The following CNTN1 variants were observed in gnomAD, a reference collection of about 807,000 sequenced individuals.
The protein encoded by CNTN1 is contactin 1, also known as contactin-1.
Under a neutral mutation model 126.4 loss-of-function variants are expected in CNTN1, and 38 were observed. The ratio of observed to expected loss-of-function variants is 0.30; its 90% confidence interval spans 0.23 to 0.39. CNTN1 has a LOEUF of 0.39. Among genes scored for constraint, CNTN1 ranks in the 10% least tolerant of loss-of-function variants. The probability of loss-of-function intolerance (pLI) is 1.00; values close to 1 mark genes in which losing one functional copy is unlikely to be tolerated. For synonymous variants in CNTN1, 413 were observed against 422.6 expected, an observed-to-expected ratio of 0.98 and a Z score of 0.28; for missense variants, 1,009 against 1,248.4, an observed-to-expected ratio of 0.81 and a Z score of 2.89.
chr12:41,031,031 T>C (rs1949135739), intron 23 of CNTN1, among the ~76,000 whole-genome samples: 1 of 152,182 alleles, frequency 6.6e-6, no homozygotes, highest in Non-Finnish European at 1.5e-5. Context: ...CTTCTTTCTC[T>C]TGTGTAGAAG....
chr12:40,744,306 A>T (rs934463779), intron 1 of CNTN1, among the ~76,000 whole-genome samples: 2 of 146,220 alleles, frequency 1.4e-5, no homozygotes, highest in African/African-American at 5.2e-5. Flanking sequence ...AAATTAAATA[A>T]AAAAAAAATA....
At chr12:41,002,558 CTT>C (rs1360030646) in intron 17 of CNTN1, among the ~76,000 whole-genome samples, 8 of 134,570 alleles carry the variant, frequency 5.9e-5, no homozygotes, top group Admixed American at 1.5e-4. Context: ...GGGTTTCTTT[CTT>C]TTTTTTTTTT....
At chr12:40,874,919 A>G (rs1207252715) in intron 1 of CNTN1, among the ~76,000 whole-genome samples, 1 of 152,170 alleles carries the variant, frequency 6.6e-6, no homozygotes, top group Non-Finnish European at 1.5e-5. Context: ...CAATGTACAG[A>G]TGAAGAAAGT....
At chr12:40,836,962 A>G (rs1290852832) in intron 1 of CNTN1, among the ~76,000 whole-genome samples, 1 of 152,150 alleles carries the variant, frequency 6.6e-6, no homozygotes, top group Non-Finnish European at 1.5e-5. Flanking sequence ...TATCACCATA[A>G]TTTTGCTAAA....
At chr12:40,817,243 G>A (rs1233248334) in intron 1 of CNTN1, among the ~76,000 whole-genome samples, 2 of 152,094 alleles carry the variant, frequency 1.3e-5, no homozygotes, top group Non-Finnish European at 2.9e-5. Flanking sequence ...TGCTGACAGT[G>A]GGGTGTTAAA....
chr12:40,759,506 C>T (rs1160990126), intron 1 of CNTN1, among the ~76,000 whole-genome samples: 1 of 149,824 alleles, frequency 6.7e-6, no homozygotes, highest in Non-Finnish European at 1.5e-5. Flanking sequence ...CACTCTGTCA[C>T]CTAGGCTGGA....
intron 1 of CNTN1, among the ~76,000 whole-genome samples, chr12:40,708,897 T>G (rs1411209546): frequency 6.6e-6 from 1 of 152,224 alleles, no homozygotes; most frequent in Non-Finnish European, 1.5e-5. Flanking sequence ...TTTCTACCAC[T>G]TTTGCATTTA....
rs1240024206 is a variant in CNTN1, at chr12:41,020,366, G to A, written c.2449G>A (p.Val817Ile). Reference protein sequence around the residue: ...APSEAPTEVGVKVLSSSEISV... With the variant: ...APSEAPTEVGIKVLSSSEISV... Reference sequence around the variant, plus strand: ...CAGTGAAGCCCCAACAGAAGTAGGTGTAAAAGTCTTATCATCTTCTGAGAT... The same window carrying A: ...CAGTGAAGCCCCAACAGAAGTAGGTATAAAAGTCTTATCATCTTCTGAGAT... Residue 817 changes from valine to isoleucine, a missense_variant, in exon 20 of 24, where the codon GTA (valine) becomes ATA (isoleucine). Coordinates refer to ENST00000551295, the MANE Select transcript of CNTN1 (RefSeq NM_001843.4). The A allele has an allele frequency of 6.2e-7, 1 of 1,612,438 alleles. No homozygotes were observed. The highest frequency in any genetic ancestry group is 1.3e-5 in the African/African-American group (1 of 74,872).
intron 23 of CNTN1, among the ~76,000 whole-genome samples, chr12:41,048,899 T>C (rs762107054): frequency 5.9e-5 from 9 of 152,198 alleles, no homozygotes; most frequent in Non-Finnish European, 1.3e-4. Context: ...CTTCACCACC[T>C]AATTCCTCTT....
chr12:40,758,378 G>A (rs1160109279), intron 1 of CNTN1, among the ~76,000 whole-genome samples: 1 of 151,292 alleles, frequency 6.6e-6, no homozygotes, highest in Non-Finnish European at 1.5e-5. Context: ...TTTAAATTCT[G>A]CAACCAGTTA....
At chr12:40,732,581 A>T (rs1596513) in intron 1 of CNTN1, among the ~76,000 whole-genome samples, 2 of 151,970 alleles carry the variant, frequency 1.3e-5, no homozygotes, top group Non-Finnish European at 2.9e-5. Context: ...CATAGAGGGG[A>T]ATGAGAAACC....
At chr12:40,761,385 C>A (rs553436692) in intron 1 of CNTN1, among the ~76,000 whole-genome samples, 1 of 152,224 alleles carries the variant, frequency 6.6e-6, no homozygotes, top group South Asian at 2.1e-4. Flanking sequence ...TTCTACCAAT[C>A]TTCACTGGAG....
At chr12:40,819,564 GA>G (rs1475680878) in intron 1 of CNTN1, among the ~76,000 whole-genome samples, 1 of 152,196 alleles carries the variant, frequency 6.6e-6, no homozygotes, top group Non-Finnish European at 1.5e-5. Flanking sequence ...TGGAGCTATG[GA>G]AATAGGTGCC....
chr12:40,803,765 G>A (rs1174528263), intron 1 of CNTN1, among the ~76,000 whole-genome samples: 1 of 151,654 alleles, frequency 6.6e-6, no homozygotes, highest in Non-Finnish European at 1.5e-5. Flanking sequence ...AAGAGGAGAG[G>A]GGAAGAGGGA....
Position 41,025,168 on chromosome 12 carries a change from C to A in CNTN1, c.2542C>A (p.His848Asn), listed in dbSNP as rs1949012035. 7 of 1,613,802 alleles carry A rather than the reference C, an allele frequency of 4.3e-6. No individual in the cohort carries two copies. The highest frequency in any genetic ancestry group is 5.9e-6 in the Non-Finnish European group (7 of 1,179,858). Residue 848 changes from histidine to asparagine, a missense_variant, in exon 21 of 24, where the codon CAT becomes AAT. His to Asn is a moderately conservative substitution (Grantham distance 68). Transcript: ENST00000551295. ...ESYQIRYWAAHDKEEAANRVQ... is the reference protein window; with the variant it reads ...ESYQIRYWAANDKEEAANRVQ... Reference sequence around the variant, plus strand: ...TTTGCAGATTCGGTATTGGGCTGCCCATGACAAAGAAGAAGCTGCAAACAG... The same window carrying A: ...TTTGCAGATTCGGTATTGGGCTGCCAATGACAAAGAAGAAGCTGCAAACAG...
intron 23 of CNTN1, among the ~76,000 whole-genome samples, chr12:41,063,800 C>T (rs371382010): frequency 2.0e-5 from 3 of 152,122 alleles, no homozygotes; most frequent in Admixed American, 2.0e-4. Flanking sequence ...TGGGGTAAAA[C>T]GATAGCCCAG....
At chr12:40,781,258 G>A (rs1291481269) in intron 1 of CNTN1, among the ~76,000 whole-genome samples, 3 of 152,036 alleles carry the variant, frequency 2.0e-5, no homozygotes, top group African/African-American at 7.2e-5. Context: ...GGCCTCAGAT[G>A]AGATAAAGAG....
chr12:40,814,912 C>T (rs1941208699), intron 1 of CNTN1, among the ~76,000 whole-genome samples: 1 of 152,052 alleles, frequency 6.6e-6, no homozygotes, highest in Non-Finnish European at 1.5e-5. Flanking sequence ...AGGTCCTTCC[C>T]ATCCCTTGTA....
At chr12:40,993,091 A>G (rs1408429769) in intron 16 of CNTN1, 29 bp from the exon 17 acceptor site, 2 of 1,590,218 alleles carry the variant, frequency 1.3e-6, no homozygotes, top group Middle Eastern at 1.7e-4. Flanking sequence ...ATCAACCTGT[A>G]TTCTCTATTT....
Sources: gnomAD v4.1 joint callset for allele counts (sites outside exome capture counted in the v4.1 genomes callset) on GRCh38, gnomAD v4.1.1 for gene constraint, MANE v1.5 for transcripts, NCBI Gene and HGNC (gene_info 2026-07-23, HGNC 2026-07-21) for gene names.